Variants in DGKI observed in about 807,000 individuals in gnomAD.
DGKI encodes diacylglycerol kinase iota.
DGKI carries 55 observed loss-of-function variants against 147.5 expected under a neutral mutation model. That is an observed-to-expected ratio of 0.37 (90% CI 0.30 to 0.47). The LOEUF (loss-of-function observed/expected upper bound fraction) is 0.47, where lower values mean the gene tolerates loss of function less well. Ranked by LOEUF, DGKI falls within the 20% of genes least tolerant of loss-of-function variation. DGKI has a pLI of 1.00. For missense variants in DGKI, 1,007 were observed against 1,323.8 expected (o/e 0.76, Z 3.71); for synonymous variants, 469 against 477.1 (o/e 0.98, Z 0.22).
rs149684112 is a variant in DGKI at position 137,454,386 on chromosome 7, C to T, written c.2735+9103G>A. ...GTCTTTCGAGTATAAAATTTTACTGCCACCTACTGTTAACTTTTAAGAACT... is the reference window on the plus strand; with the variant it reads ...GTCTTTCGAGTATAAAATTTTACTGTCACCTACTGTTAACTTTTAAGAACT... On this transcript the variant is annotated intron_variant, in intron 27 of 32. Transcript: ENST00000614521. 5.5e-4 allele frequency among the ~76,000 whole-genome samples: 83 copies of T among 152,212 alleles called. No individual in the cohort carries two copies. The East Asian group carries it at 0.016, about 29-fold the overall frequency.
Position 137,384,651 on chromosome 7 carries a change from A to G in DGKI, c.*6569T>C, listed in dbSNP as rs1210750509. On this transcript the variant is annotated 3_prime_UTR_variant, in exon 33 of 33. Transcript: ENST00000614521. ...TATTCACCTCGTTGGGGTTGTTTTGAACCCCAACTGAAGCTCAAACATGTC... is the reference window on the plus strand; with the variant it reads ...TATTCACCTCGTTGGGGTTGTTTTGGACCCCAACTGAAGCTCAAACATGTC... 6.6e-6 allele frequency: 1 copy of G among 152,046 alleles called. No individual in the cohort carries two copies. The highest frequency in any genetic ancestry group is 2.4e-5 in the African/African-American group (1 of 41,412). The allele number at this position is 152,046 out of a possible 1,614,324, so 9.4% of individuals were successfully genotyped here.
Position 137,465,931 on chromosome 7 carries a change from G to A in DGKI, c.2589C>T (p.Asp863=). The A allele has an allele frequency of 1.2e-6, 2 of 1,614,056 alleles. No individual in the cohort carries two copies. The highest frequency in any genetic ancestry group is 1.7e-6 in the Non-Finnish European group (2 of 1,179,970). Reference sequence around the variant, plus strand: ...ACCCCGAGGCTTGTTCCACCACCAGGTCAGGCATGCCCGGAGGTGTCCCCG... The same window carrying A: ...ACCCCGAGGCTTGTTCCACCACCAGATCAGGCATGCCCGGAGGTGTCCCCG... The part of the protein sequence containing the change: ...QPAGTPPGMP[D]LVVEQASGIS... Residue 863 remains aspartate (D), a synonymous_variant, in exon 26 of 33, where the codon GAC becomes GAT. Coordinates refer to ENST00000614521, the MANE Select transcript of DGKI (RefSeq NM_001321708.2).
At chr7:137,659,033 C>T (rs940282871) in intron 3 of DGKI, among the ~76,000 whole-genome samples, 30 of 152,196 alleles carry the variant, frequency 2.0e-4, no homozygotes, top group African/African-American at 7.2e-4. Flanking sequence ...ATATATAAAC[C>T]ATATTCTAAA....
At chr7:137,469,060 G>A (rs568347127) in intron 24 of DGKI, among the ~76,000 whole-genome samples, 40 of 152,130 alleles carry the variant, frequency 2.6e-4, no homozygotes, top group Non-Finnish European at 5.7e-4. Context: ...AACCTATTAT[G>A]CATGCAATAT....
rs1820275297 is a variant in DGKI, at chr7:137,608,996, T to C, written c.1137A>G (p.Val379=). ...TGCCTCCACTCTTGGGATTCACAAA[T>C]ACAAGCAAGGGTTTCATGAGAGGAG... ...ISSPLMKPLL[V]FVNPKSGGNQ... Residue 379 remains valine, a synonymous_variant, in exon 10 of 33, where the codon GTA becomes GTG. Coordinates refer to ENST00000614521, the MANE Select transcript of DGKI (RefSeq NM_001321708.2). The C allele has an allele frequency of 6.2e-7, 1 of 1,613,474 alleles. No individual in the cohort carries two copies. Among genetic ancestry groups the C allele is most frequent in the African/African-American group, 1.3e-5 (1 of 74,870 alleles).
At chr7:137,591,924 G>C (rs706562) in intron 12 of DGKI, among the ~76,000 whole-genome samples, 27,192 of 152,040 alleles carry the variant, frequency 0.18, 5,281 homozygotes, top group African/African-American at 0.49. Flanking sequence ...ATCAGAAAGC[G>C]TTTCTTTTGC....
intron 27 of DGKI, among the ~76,000 whole-genome samples, chr7:137,452,101 G>T (rs929060753): frequency 1.3e-5 from 2 of 152,238 alleles, no homozygotes; most frequent in African/African-American, 2.4e-5. Context: ...TCTCTATTCC[G>T]TGTCCCCAAC....
At chr7:137,434,233 T>C (rs1408582874) in intron 28 of DGKI, among the ~76,000 whole-genome samples, 5 of 152,162 alleles carry the variant, frequency 3.3e-5, no homozygotes, top group Non-Finnish European at 7.3e-5. Context: ...AACTTAAATA[T>C]TCTATAACCC....
At chr7:137,731,029 T>C (rs1027702066) in intron 1 of DGKI, among the ~76,000 whole-genome samples, 24 of 152,182 alleles carry the variant, frequency 1.6e-4, no homozygotes, top group African/African-American at 5.8e-4. Context: ...AATCCTACTA[T>C]TCCGCCTCAG....
chr7:137,422,892 C>T (rs1248177275), intron 28 of DGKI, among the ~76,000 whole-genome samples: 2 of 152,080 alleles, frequency 1.3e-5, no homozygotes, highest in African/African-American at 4.8e-5. Flanking sequence ...GCGTGAGCCA[C>T]CGCGCCCACC....
intron 12 of DGKI, 82 bp downstream of exon 12, chr7:137,597,765 C>G (rs1278702796): frequency 7.7e-7 from 1 of 1,300,156 alleles, no homozygotes; most frequent in Non-Finnish European, 1.1e-6. Flanking sequence ...AAAGACTGAG[C>G]AACGAATAAA....
intron 28 of DGKI, among the ~76,000 whole-genome samples, chr7:137,424,894 A>C (rs1336972829): frequency 6.6e-6 from 1 of 152,250 alleles, no homozygotes; most frequent in Non-Finnish European, 1.5e-5. Context: ...GGAAGCTCGA[A>C]CTGGGTGGAG....
chr7:137,619,793 G>T, intron 8 of DGKI, 31 bp downstream of exon 8: 1 of 1,546,372 alleles, frequency 6.5e-7, no homozygotes, highest in Non-Finnish European at 8.9e-7. Flanking sequence ...TCTCTGCACT[G>T]GCCCAGCAGC....
chr7:137,400,588 C>G (rs1178346222), intron 30 of DGKI, among the ~76,000 whole-genome samples: 1 of 152,088 alleles, frequency 6.6e-6, no homozygotes, highest in Non-Finnish European at 1.5e-5. Flanking sequence ...GAGTCACTAC[C>G]CAGAATTATT....
chr7:137,433,768 A>G (rs1468156829), intron 28 of DGKI, among the ~76,000 whole-genome samples: 1 of 152,238 alleles, frequency 6.6e-6, no homozygotes, highest in Non-Finnish European at 1.5e-5. Context: ...TGATCTCTTC[A>G]CTTGTTGCCA....
chr7:137,756,405 A>C (rs1314653325), intron 1 of DGKI, among the ~76,000 whole-genome samples: 1 of 152,246 alleles, frequency 6.6e-6, no homozygotes, highest in Non-Finnish European at 1.5e-5. Context: ...AGAAGAAAAA[A>C]AGTCATTCGG....
At position 137,722,734 on chromosome 7, in the gene DGKI, C is replaced by T. The variant is rs992291175; in HGVS notation, c.402-32732G>A. ...GATTACGGAGCAGTGCAAGATTGAG[C>T]AGAAAGCTGTGGACTCACAAATTTT... On this transcript the variant is annotated intron_variant, in intron 1 of 32. Coordinates refer to ENST00000614521, the MANE Select transcript of DGKI (RefSeq NM_001321708.2). The T allele has an allele frequency of 3.1e-5, 48 of 1,573,342 alleles. No homozygotes were observed. The Admixed American group carries it at 8.0e-4, about 26-fold the overall frequency.
In DGKI at chr7:137,465,948, G is replaced by A. The variant is rs199913966; in HGVS notation, c.2572C>T (p.Pro858Ser). ...DMVVSQPAGT[P>S]PGMPDLVVEQ... ...ACCACCAGGTCAGGCATGCCCGGAGGTGTCCCCGCCGGCTGTGACACCACC... is the reference window on the plus strand; with the variant it reads ...ACCACCAGGTCAGGCATGCCCGGAGATGTCCCCGCCGGCTGTGACACCACC... The change falls in exon 26 of 33, where the codon CCT becomes TCT. Residue 858 changes from proline (P) to serine (S), a missense_variant. By Grantham distance (74) the Pro-to-Ser change is moderately conservative. Around this residue, in one of 5 missense-constraint regions of DGKI, gnomAD observed 385 missense variants for 445.2 expected, o/e 0.86. Coordinates refer to ENST00000614521, the MANE Select transcript of DGKI (RefSeq NM_001321708.2). 1 of 1,614,170 alleles carries A rather than the reference G, an allele frequency of 6.2e-7. No individual in the cohort carries two copies. Among genetic ancestry groups the A allele is most frequent in the East Asian group, 2.2e-5 (1 of 44,876 alleles).
At chr7:137,588,570 G>A (rs979126985) in intron 12 of DGKI, among the ~76,000 whole-genome samples, 1 of 148,792 alleles carries the variant, frequency 6.7e-6, no homozygotes, top group East Asian at 2.0e-4. Context: ...TCCACCTCCT[G>A]GGTTCACGCC....
Sources: gnomAD v4.1 joint callset for allele counts (sites outside exome capture counted in the v4.1 genomes callset) on GRCh38, gnomAD v4.1.1 for gene constraint, gnomAD v4.1.1 regional missense constraint, MANE v1.5 for transcripts, NCBI Gene and HGNC (gene_info 2026-07-23, HGNC 2026-07-21) for gene names.